GALNT13: variants seen among roughly 807,000 people sequenced by gnomAD.
GALNT13 encodes polypeptide N-acetylgalactosaminyltransferase 13.
Under a neutral mutation model 64.2 loss-of-function variants are expected in GALNT13, and 28 were observed. The ratio of observed to expected loss-of-function variants is 0.44; its 90% CI spans 0.32 to 0.60. The LOEUF is 0.60. GALNT13 is among the 20% of genes least tolerant of loss of function. The pLI is 0.05. For missense variants in GALNT13, 577 were observed against 669.8 expected, an observed-to-expected ratio of 0.86 and a Z score of 1.53; for synonymous variants, 214 against 224.6, an observed-to-expected ratio of 0.95 and a Z score of 0.42.
At chr2:154,376,568 G>C (rs1205210276) in intron 9 of GALNT13, among the ~76,000 whole-genome samples, 1 of 152,102 alleles carries the variant, frequency 6.6e-6, no homozygotes, top group East Asian at 1.9e-4. Flanking sequence ...GAGTCTTAAT[G>C]AAATCTCTTA....
At chr2:154,181,584 G>GAT in intron 4 of GALNT13, among the ~76,000 whole-genome samples, 1 of 151,952 alleles carries the variant, frequency 6.6e-6, no homozygotes, top group East Asian at 1.9e-4. Context: ...TTTACGATAT[G>GAT]ATATATATTT....
chr2:153,169,168 C>A, the GALNT13 span, among the ~76,000 whole-genome samples: 1 of 152,206 alleles, frequency 6.6e-6, no homozygotes, highest in Non-Finnish European at 1.5e-5. Context: ...TCACTGGCAG[C>A]CCTGCCTAGG....
the GALNT13 span, among the ~76,000 whole-genome samples, chr2:153,399,488 G>A: frequency 1.0e-3 from 153 of 152,094 alleles, no homozygotes; most frequent in African/African-American, 3.6e-3. Context: ...GATGGGGATG[G>A]CATTGAATCT....
intron 8 of GALNT13, among the ~76,000 whole-genome samples, chr2:154,292,189 G>A (rs1307117624): frequency 1.3e-5 from 2 of 151,930 alleles, no homozygotes; most frequent in East Asian, 1.9e-4. Flanking sequence ...GCTTTCTCTT[G>A]GAGAGAACTG....
chr2:153,903,146 T>C (rs1267516512), intron 2 of GALNT13, among the ~76,000 whole-genome samples: 2 of 152,158 alleles, frequency 1.3e-5, no homozygotes, highest in African/African-American at 2.4e-5. Context: ...AACAGTAATT[T>C]ATTATATTAT....
the GALNT13 span, among the ~76,000 whole-genome samples, chr2:153,147,997 G>A: frequency 1.3e-5 from 2 of 151,774 alleles, no homozygotes; most frequent in African/African-American, 4.8e-5. Flanking sequence ...AAGAGTAAAC[G>A]TATAAGAACT....
the GALNT13 span, among the ~76,000 whole-genome samples, chr2:153,528,573 T>C: frequency 2.2e-4 from 33 of 152,162 alleles, 1 homozygote; most frequent in Non-Finnish European, 4.1e-4. Context: ...CAAATGGTTC[T>C]AATAGATATT....
Position 154,450,689 on chromosome 2 carries a change from G to T in GALNT13, c.*138G>T, listed in dbSNP as rs752420482. ...TCTAAAACACAATTGTTTCTAATTC[G>T]TTTCTAGAAATGTTTGCTTATTTCC... is the stretch of plus-strand genomic sequence containing the variant. On this transcript the variant is annotated 3_prime_UTR_variant, in exon 13 of 13. Transcript: ENST00000392825. 10 of 784,196 alleles carry T rather than the reference G, an allele frequency of 1.3e-5. 1 individual carries two copies. The highest frequency in any genetic ancestry group is 1.7e-5 in the Non-Finnish European group (9 of 527,620). 48.6% of individuals were successfully genotyped at this position (784,196 alleles called of 1,614,324 possible).
the GALNT13 span, among the ~76,000 whole-genome samples, chr2:153,200,886 C>T: frequency 6.6e-6 from 1 of 152,146 alleles, no homozygotes; most frequent in South Asian, 2.1e-4. Context: ...CTCCTGAAGG[C>T]ACTCATTCTC....
the GALNT13 span, among the ~76,000 whole-genome samples, chr2:153,592,223 T>C: frequency 6.6e-6 from 1 of 152,142 alleles, no homozygotes; most frequent in African/African-American, 2.4e-5. Flanking sequence ...GGAACTCTCA[T>C]ATATTGTTGG....
intron 4 of GALNT13, among the ~76,000 whole-genome samples, chr2:154,209,829 AACC>A (rs1057469025): frequency 6.6e-5 from 10 of 152,208 alleles, no homozygotes; most frequent in Non-Finnish European, 1.5e-4. Context: ...TTAACATATA[AACC>A]ACCTAAATTA....
the GALNT13 span, among the ~76,000 whole-genome samples, chr2:153,331,903 G>C: frequency 6.6e-6 from 1 of 152,040 alleles, no homozygotes; most frequent in Non-Finnish European, 1.5e-5. Flanking sequence ...TCAATCTTGG[G>C]AGATTGTGTG....
At chr2:154,444,524 T>C (rs1272679928) in intron 12 of GALNT13, among the ~76,000 whole-genome samples, 2 of 152,124 alleles carry the variant, frequency 1.3e-5, no homozygotes, top group South Asian at 2.1e-4. Flanking sequence ...TCCTGGCAGA[T>C]AGCAAGCACA....
the GALNT13 span, among the ~76,000 whole-genome samples, chr2:153,741,838 C>T: frequency 1.3e-5 from 2 of 151,890 alleles, no homozygotes; most frequent in Admixed American, 1.3e-4. Flanking sequence ...ATTAATTTAT[C>T]TATTTTATTA....
At chr2:153,570,727 T>C in the GALNT13 span, among the ~76,000 whole-genome samples, 1 of 152,286 alleles carries the variant, frequency 6.6e-6, no homozygotes, top group East Asian at 1.9e-4. Context: ...TTTTCTTCAG[T>C]GCAGGTTATT....
the GALNT13 span, among the ~76,000 whole-genome samples, chr2:153,163,312 G>A: frequency 6.6e-6 from 1 of 152,136 alleles, no homozygotes; most frequent in Non-Finnish European, 1.5e-5. Flanking sequence ...ACTGAGGTGG[G>A]TTTGAGAATT....
chr2:153,963,276 T>C (rs1278626274), intron 3 of GALNT13, among the ~76,000 whole-genome samples: 1 of 152,188 alleles, frequency 6.6e-6, no homozygotes, highest in East Asian at 1.9e-4. Context: ...CTGGGAAACA[T>C]TTAGACCATA....
chr2:153,985,007 C>A (rs1190158306), intron 3 of GALNT13, among the ~76,000 whole-genome samples: 1 of 151,780 alleles, frequency 6.6e-6, no homozygotes, highest in Non-Finnish European at 1.5e-5. Context: ...TGAGGAAGTT[C>A]CTTAATTATT....
At chr2:153,512,773 ATTG>A in the GALNT13 span, among the ~76,000 whole-genome samples, 7 of 150,970 alleles carry the variant, frequency 4.6e-5, no homozygotes, top group South Asian at 2.1e-4. Context: ...AAAGATTATT[ATTG>A]TTGTTATTAT....
Sources: allele counts gnomAD v4.1 joint callset (sites outside exome capture counted in the v4.1 genomes callset), GRCh38; gene constraint gnomAD v4.1.1; transcripts MANE v1.5; gene names NCBI Gene and HGNC (gene_info 2026-07-23, HGNC 2026-07-21).